SAMD12: variants seen among roughly 807,000 people sequenced by gnomAD.
SAMD12 encodes the protein sterile alpha motif domain-containing protein 12.
In SAMD12, 9 loss-of-function variants were observed where a neutral mutation model predicts 15.0. That is an observed-to-expected ratio of 0.60 (90% CI 0.36 to 1.05). SAMD12 has a LOEUF of 1.05. Ranked by LOEUF, SAMD12 falls within the 50% of genes least tolerant of loss-of-function variation. The pLI is 0.01. For synonymous variants in SAMD12, 86 were observed against 90.1 expected (o/e 0.96, Z 0.25); for missense variants, 230 against 234.2 (o/e 0.98, Z 0.12).
chr8:118,194,723 G>A (rs1326972714), exon 5 of SAMD12: 1 of 152,068 alleles, frequency 6.6e-6, no homozygotes, highest in Non-Finnish European at 1.5e-5. Flanking sequence ...ACTATTTCTG[G>A]ATTTCTAGGA....
At chr8:118,432,124 C>T (rs185565216) in intron 3 of SAMD12, among the ~76,000 whole-genome samples, 173 of 152,254 alleles carry the variant, frequency 1.1e-3, no homozygotes, top group Non-Finnish European at 2.0e-3. Context: ...TTCTCTGTTA[C>T]ATTAGTCATC....
chr8:118,259,779 T>C (rs1813034030), intron 4 of SAMD12, among the ~76,000 whole-genome samples: 1 of 152,134 alleles, frequency 6.6e-6, no homozygotes. Context: ...GAAAAAGAGA[T>C]GTCCTTACTC....
chr8:118,395,725 G>A (rs370415660), intron 3 of SAMD12, among the ~76,000 whole-genome samples: 3 of 152,104 alleles, frequency 2.0e-5, no homozygotes, highest in South Asian at 2.1e-4. Context: ...TTGGGAGGCC[G>A]AGGTGGGTGG....
intron 4 of SAMD12, among the ~76,000 whole-genome samples, chr8:118,351,321 T>C (rs1429144142): frequency 6.6e-6 from 1 of 152,206 alleles, no homozygotes; most frequent in East Asian, 1.9e-4. Context: ...CCTACAGTTG[T>C]TGCTGATTAG....
At chr8:118,553,926 GA>G (rs1251426857) in intron 2 of SAMD12, among the ~76,000 whole-genome samples, 3 of 151,622 alleles carry the variant, frequency 2.0e-5, no homozygotes, top group African/African-American at 7.3e-5. Flanking sequence ...AAAAACACAT[GA>G]AAAAATGCTC....
intron 3 of SAMD12, among the ~76,000 whole-genome samples, chr8:118,386,330 C>A (rs375962551): frequency 8.5e-5 from 13 of 152,144 alleles, no homozygotes; most frequent in African/African-American, 2.9e-4. Flanking sequence ...CAAATCTCTG[C>A]CTCCATTCTC....
chr8:118,590,265 G>A (rs1827553161), intron 1 of SAMD12, among the ~76,000 whole-genome samples: 2 of 152,188 alleles, frequency 1.3e-5, no homozygotes, highest in Non-Finnish European at 2.9e-5. Context: ...CATCAGTAAA[G>A]GCTGATTGTA....
At chr8:118,472,813 T>C (rs139789307) in intron 2 of SAMD12, among the ~76,000 whole-genome samples, 3 of 151,482 alleles carry the variant, frequency 2.0e-5, no homozygotes, top group East Asian at 3.9e-4. Flanking sequence ...TGACTCAGAA[T>C]AGAAGGTAAT....
intron 2 of SAMD12, among the ~76,000 whole-genome samples, chr8:118,491,088 G>A (rs1048449987): frequency 6.6e-6 from 1 of 152,092 alleles, no homozygotes; most frequent in Non-Finnish European, 1.5e-5. Flanking sequence ...ACCCAGACTG[G>A]TGCCTGTCCA....
At chr8:118,152,030 C>T in the SAMD12 span, among the ~76,000 whole-genome samples, 1 of 152,034 alleles carries the variant, frequency 6.6e-6, no homozygotes, top group South Asian at 2.1e-4. Flanking sequence ...TTAGATTTAG[C>T]ACCAACTCAG....
At chr8:118,404,852 G>A (rs73311719) in intron 3 of SAMD12, among the ~76,000 whole-genome samples, 2 of 151,788 alleles carry the variant, frequency 1.3e-5, no homozygotes, top group Admixed American at 6.6e-5. Context: ...AAGAGACAGG[G>A]TCTTGCTATG....
chr8:118,241,208 TC>T (rs1812554736), intron 4 of SAMD12, among the ~76,000 whole-genome samples: 1 of 152,164 alleles, frequency 6.6e-6, no homozygotes, highest in Non-Finnish European at 1.5e-5. Flanking sequence ...TCTTCTTACT[TC>T]CCATTCTTCA....
At chr8:118,212,687 T>C (rs1811863255) in intron 4 of SAMD12, among the ~76,000 whole-genome samples, 1 of 152,224 alleles carries the variant, frequency 6.6e-6, no homozygotes, top group Non-Finnish European at 1.5e-5. Flanking sequence ...AGACACATTT[T>C]TCCTTCAATG....
At chr8:118,366,895 AAAATAAAATAAAATAAAATAAAAATG>A (rs1818827368) in intron 4 of SAMD12, among the ~76,000 whole-genome samples, 1 of 93,888 alleles carries the variant, frequency 1.1e-5, no homozygotes, top group Non-Finnish European at 2.3e-5. Context: ...AAAATAAAAT[AAAATAAAATAAAATAAAATAAAAATG>A]AACAAAATGA....
chr8:118,321,616 A>T (rs1218832597), intron 4 of SAMD12, among the ~76,000 whole-genome samples: 3 of 119,488 alleles, frequency 2.5e-5, no homozygotes, highest in Admixed American at 7.8e-5. Context: ...TCTGTCTCAA[A>T]AGAAAAAATG....
chr8:118,596,045 C>T (rs1159252203), intron 1 of SAMD12, among the ~76,000 whole-genome samples: 3 of 152,068 alleles, frequency 2.0e-5, no homozygotes, highest in African/African-American at 4.8e-5. Flanking sequence ...TGATTCAGTC[C>T]CTTATGTACT....
intron 2 of SAMD12, among the ~76,000 whole-genome samples, chr8:118,520,505 G>C (rs1825359451): frequency 2.0e-5 from 3 of 152,138 alleles, no homozygotes; most frequent in Non-Finnish European, 2.9e-5. Context: ...CAATATAAAT[G>C]CTCAGTGGAA....
intron 2 of SAMD12, among the ~76,000 whole-genome samples, chr8:118,454,657 T>C (rs1467533493): frequency 6.6e-6 from 1 of 152,192 alleles, no homozygotes; most frequent in Non-Finnish European, 1.5e-5. Context: ...AAATTTACCA[T>C]CTTCATAATT....
chr8:118,252,336 G>T (rs1219159082), intron 4 of SAMD12, among the ~76,000 whole-genome samples: 1 of 152,146 alleles, frequency 6.6e-6, no homozygotes, highest in African/African-American at 2.4e-5. Flanking sequence ...GTAGAGAGGG[G>T]TCTGTCCAAA....
Sources: allele counts gnomAD v4.1 joint callset (sites outside exome capture counted in the v4.1 genomes callset), GRCh38; gene constraint gnomAD v4.1.1; transcripts MANE v1.5; gene names NCBI Gene and HGNC (gene_info 2026-07-23, HGNC 2026-07-21).